ECE1: variants seen among roughly 807,000 people sequenced by gnomAD.
The protein encoded by ECE1 is endothelin-converting enzyme 1.
ECE1 carries 35 observed loss-of-function variants against 98.6 expected under a neutral mutation model. The ratio of observed to expected loss-of-function variants is 0.35; its 90% CI spans 0.27 to 0.47. The LOEUF (loss-of-function observed/expected upper bound fraction) is 0.47, where lower values mean the gene tolerates loss of function less well. Ranked by LOEUF, ECE1 falls within the 20% of genes least tolerant of loss-of-function variation. The pLI is 1.00. For synonymous variants in ECE1, 394 were observed against 407.1 expected, an observed-to-expected ratio of 0.97 and a Z score of 0.39; for missense variants, 814 against 1,025.3, an observed-to-expected ratio of 0.79 and a Z score of 2.81.
intron 1 of ECE1, among the ~76,000 whole-genome samples, chr1:21,321,264 T>C (rs1201830589): frequency 6.6e-6 from 1 of 151,986 alleles, no homozygotes; most frequent in East Asian, 1.9e-4. Flanking sequence ...TAAACAACCC[T>C]AACATAAACC....
At position 21,290,224 on chromosome 1, in the gene ECE1, GGCCCCGACCCTGGCGCCGCCGCCGCCGC is replaced by G; in HGVS notation, c.52-96_52-69del. On this transcript the variant is annotated intron_variant, in intron 1 of 18. Coordinates refer to ENST00000374893, the MANE Select transcript of ECE1 (RefSeq NM_001397.3). The surrounding 1 kb of genome is among the most constrained non-coding windows in gnomAD (Gnocchi z 7.3). ...GGCTCTCGCGCCCGAATGGGGAAGC[GGCCCCGACCCTGGCGCCGCCGCCGCCGC>G]GCCCCGCCCCGGCCTGGACACCCGA... The G allele has an allele frequency of 7.0e-7, 1 of 1,431,830 alleles. No individual in the cohort carries two copies. Among genetic ancestry groups the G allele is most frequent in the Non-Finnish European group, 9.2e-7 (1 of 1,087,388 alleles). The allele number at this position is 1,431,830 out of a possible 1,614,324, so 88.7% of individuals were successfully genotyped here.
In ECE1 at chr1:21,289,926, G is replaced by T. The variant is rs1161772250; in HGVS notation, c.138+144C>A. 7.3e-6 allele frequency: 8 copies of T among 1,090,396 alleles called. No individual in the cohort carries two copies. The African/African-American group carries it at 8.3e-5, about 11-fold the overall frequency. 67.5% of individuals were successfully genotyped at this position (1,090,396 alleles called of 1,614,324 possible). ...AGCGCGGAGCTCCAGCTGCGGGGAG[G>T]CGCGGCCCCTCCCGGATGCCGGGAC... On this transcript the variant is annotated intron_variant, in intron 2 of 18. Transcript: ENST00000374893.
Position 21,345,474 on chromosome 1 carries a change from G to T in ECE1, c.-96C>A, listed in dbSNP as rs144884969. 14,000 of 1,139,612 alleles carry T rather than the reference G, an allele frequency of 0.012. 1,237 individuals carry two copies. The African/African-American group carries it at 0.19, about 16-fold the overall frequency. 70.6% of individuals were successfully genotyped at this position (1,139,612 alleles called of 1,614,324 possible). ...CTGCTCCCAGCCCAGCTGCTCGGAC[G>T]GCTCGGCTGCCTGGCCCAGGCGGCG... On this transcript the variant is annotated 5_prime_UTR_variant, in exon 1 of 19. Transcript: ENST00000415912. The surrounding 1 kb of genome is among the most constrained non-coding windows in gnomAD (Gnocchi z 5.1).
chr1:21,224,427 A>AT (rs1490945648), intron 17 of ECE1, among the ~76,000 whole-genome samples: 1 of 152,120 alleles, frequency 6.6e-6, no homozygotes, highest in Non-Finnish European at 1.5e-5. Flanking sequence ...TGCTAGGTAG[A>AT]TTCTCAATAC....
upstream of ECE1, among the ~76,000 whole-genome samples, chr1:21,291,077 A>G (rs751456479): frequency 2.6e-5 from 4 of 152,112 alleles, no homozygotes; most frequent in Non-Finnish European, 5.9e-5. Context: ...GTCAGAAGCC[A>G]GGAAGGGGAC....
chr1:21,342,647 C>CAT, intron 1 of ECE1, among the ~76,000 whole-genome samples: 1 of 150,696 alleles, frequency 6.6e-6, no homozygotes, highest in Admixed American at 6.6e-5. Flanking sequence ...CACACACACA[C>CAT]GCCCTGCAAA....
At chr1:21,256,674 T>G (rs918103763) in intron 7 of ECE1, 1 of 153,004 alleles carries the variant, frequency 6.5e-6, no homozygotes, top group Non-Finnish European at 1.5e-5. Flanking sequence ...TTGGCTCGTC[T>G]CACAGGTCCC....
intron 4 of ECE1, among the ~76,000 whole-genome samples, chr1:21,263,810 G>T (rs1450708440): frequency 6.6e-6 from 1 of 152,118 alleles, no homozygotes; most frequent in East Asian, 1.9e-4. Flanking sequence ...CTGGTAGAAG[G>T]TACGGTTCCT....
At chr1:21,236,422 G>T (rs1189061345) in intron 12 of ECE1, among the ~76,000 whole-genome samples, 1 of 152,236 alleles carries the variant, frequency 6.6e-6, no homozygotes, top group Non-Finnish European at 1.5e-5. Flanking sequence ...GGCCAAGGCG[G>T]GTCGATCACC....
intron 1 of ECE1, among the ~76,000 whole-genome samples, chr1:21,297,447 T>C (rs1247466229): frequency 2.0e-5 from 3 of 151,980 alleles, no homozygotes; most frequent in Non-Finnish European, 2.9e-5. Context: ...GGTGACCCCC[T>C]GACCCCCTTG....
intron 2 of ECE1, among the ~76,000 whole-genome samples, chr1:21,288,796 C>T (rs889425175): frequency 6.6e-6 from 1 of 152,138 alleles, no homozygotes; most frequent in Non-Finnish European, 1.5e-5. Flanking sequence ...TTTGACGTGT[C>T]GCTCTCGGAT....
At chr1:21,226,920 C>T (rs1317339310) in intron 16 of ECE1, among the ~76,000 whole-genome samples, 7 of 152,030 alleles carry the variant, frequency 4.6e-5, no homozygotes, top group South Asian at 2.1e-4. Flanking sequence ...GACAGGGTTT[C>T]GCCATGTTGG....
intron 1 of ECE1, among the ~76,000 whole-genome samples, chr1:21,344,556 A>G (rs577423824): frequency 6.6e-6 from 1 of 152,200 alleles, no homozygotes; most frequent in South Asian, 2.1e-4. Flanking sequence ...GTCCAGGGAC[A>G]ATGCCCCTCC....
Position 21,219,493 on chromosome 1 carries a change from G to C in ECE1, c.*462C>G, listed in dbSNP as rs1389509062. The C allele has an allele frequency of 1.1e-5, 2 of 176,330 alleles. No individual in the cohort carries two copies. The highest frequency in any genetic ancestry group is 4.7e-5 in the African/African-American group (2 of 42,234). 10.9% of individuals were successfully genotyped at this position (176,330 alleles called of 1,614,324 possible). ...ATCAGTGGGGCTTCCCTTGTCCACA[G>C]GTTATTTAGAAAAACAGAACATAAT... On this transcript the variant is annotated 3_prime_UTR_variant, in exon 19 of 19. Coordinates refer to ENST00000374893, the MANE Select transcript of ECE1 (RefSeq NM_001397.3). The surrounding 1 kb of genome is among the most constrained non-coding windows in gnomAD (Gnocchi z 4.5).
chr1:21,289,990 G>C (rs1486658864), intron 2 of ECE1, 80 bp downstream of exon 2: 1 of 1,264,954 alleles, frequency 7.9e-7, no homozygotes, highest in East Asian at 3.2e-5. Flanking sequence ...GGGTAGGTAG[G>C]GGCGGGGGGC....
At chr1:21,296,355 A>T (rs377566415) in intron 1 of ECE1, among the ~76,000 whole-genome samples, 136 of 150,394 alleles carry the variant, frequency 9.0e-4, no homozygotes, top group African/African-American at 2.4e-3. Flanking sequence ...CAAAAAATTT[A>T]AAAAAAAAAT....
intron 1 of ECE1, among the ~76,000 whole-genome samples, chr1:21,301,851 AAAAG>A (rs1228966100): frequency 2.0e-5 from 3 of 151,264 alleles, no homozygotes; most frequent in East Asian, 3.9e-4. Context: ...AAAAAAAAAA[AAAAG>A]GCCAATTCAA....
intron 1 of ECE1, among the ~76,000 whole-genome samples, chr1:21,337,790 G>A (rs1639331355): frequency 6.6e-6 from 1 of 152,166 alleles, no homozygotes; most frequent in Admixed American, 6.5e-5. Flanking sequence ...GTGACACGCT[G>A]TCCAAGGTGA....
At chr1:21,338,437 A>G (rs1292822184) in intron 1 of ECE1, among the ~76,000 whole-genome samples, 1 of 152,226 alleles carries the variant, frequency 6.6e-6, no homozygotes, top group Non-Finnish European at 1.5e-5. Flanking sequence ...GGGTACTGCT[A>G]GGCTCTCATT....
Sources: allele counts gnomAD v4.1 joint callset (sites outside exome capture counted in the v4.1 genomes callset), GRCh38; gene constraint gnomAD v4.1.1; non-coding constraint Gnocchi (gnomAD v3.1); transcripts MANE v1.5; gene names NCBI Gene and HGNC (gene_info 2026-07-23, HGNC 2026-07-21).